BRWD1: variants seen among roughly 807,000 people sequenced by gnomAD.
The protein encoded by BRWD1 is bromodomain and WD repeat domain containing 1.
A neutral mutation model predicts 251.2 loss-of-function variants in BRWD1; 82 were observed. That is an observed-to-expected ratio of 0.33 (90% confidence interval 0.27 to 0.39). The LOEUF (loss-of-function observed/expected upper bound fraction) is 0.39, where lower values mean the gene tolerates loss of function less well. BRWD1 is among the 10% of genes least tolerant of loss of function. The pLI is 1.00. For missense variants in BRWD1, 2,233 were observed against 2,711.6 expected (o/e 0.82, Z 3.92); for synonymous variants, 918 against 902.8 (o/e 1.02, Z -0.30).
intron 4 of BRWD1, among the ~76,000 whole-genome samples, chr21:39,306,966 G>A (rs1296365545): frequency 2.0e-5 from 3 of 152,286 alleles, no homozygotes; most frequent in East Asian, 3.8e-4. Context: ...TGATTCTCCT[G>A]CCTCAGCCTC....
intron 25 of BRWD1, 95 bp downstream of exon 25, chr21:39,232,077 TAATAA>T: frequency 1.0e-6 from 1 of 1,000,272 alleles, no homozygotes; most frequent in South Asian, 1.5e-5. Flanking sequence ...GGAAAGAAAG[TAATAA>T]AATATGTTTC....
In BRWD1 at chr21:39,186,946, A is replaced by G; in HGVS notation, c.*9313T>C. ...AAGATGCCAATAAGGGAGTAATTTT[A>G]GAGCTGGGAGCAGAATGTAACTGCC... On this transcript the variant is annotated 3_prime_UTR_variant, in exon 41 of 41. Coordinates refer to ENST00000342449, the MANE Select transcript of BRWD1 (RefSeq NM_033656.4). 6.7e-7 allele frequency: 1 copy of G among 1,497,456 alleles called. No individual in the cohort carries two copies. Among genetic ancestry groups the G allele is most frequent in the South Asian group, 1.4e-5 (1 of 69,250 alleles). The allele number at this position is 1,497,456 out of a possible 1,614,324, so 92.8% of individuals were successfully genotyped here.
At chr21:39,294,151 CTTAT>C in intron 7 of BRWD1, 119 bp from the exon 8 acceptor site, 1 of 741,384 alleles carries the variant, frequency 1.3e-6, no homozygotes, top group Non-Finnish European at 2.2e-6. Flanking sequence ...AGAATACTCT[CTTAT>C]TTATGTAATA....
intron 8 of BRWD1, among the ~76,000 whole-genome samples, chr21:39,285,431 A>G (rs114942689): frequency 2.0e-5 from 3 of 152,336 alleles, no homozygotes; most frequent in Admixed American, 6.5e-5. Context: ...AGTACAGCAA[A>G]TAACAATGTG....
At chr21:39,236,375 C>A (rs2033811907) in intron 23 of BRWD1, among the ~76,000 whole-genome samples, 1 of 152,120 alleles carries the variant, frequency 6.6e-6, no homozygotes, top group Non-Finnish European at 1.5e-5. Flanking sequence ...CAGTGCCCTT[C>A]AGAATCCCCA....
intron 15 of BRWD1, among the ~76,000 whole-genome samples, chr21:39,265,693 A>C (rs1334134812): frequency 1.3e-5 from 2 of 152,242 alleles, no homozygotes; most frequent in African/African-American, 2.4e-5. Context: ...ATTAAAGATT[A>C]ACCAAATTTG....
intron 37 of BRWD1, among the ~76,000 whole-genome samples, chr21:39,203,005 C>T (rs780368998): frequency 1.4e-4 from 21 of 152,154 alleles, no homozygotes; most frequent in Non-Finnish European, 2.8e-4. Context: ...GGCATCAGAA[C>T]AAAATGATTT....
intron 39 of BRWD1, among the ~76,000 whole-genome samples, chr21:39,199,881 GC>G (rs1568857931): frequency 1.3e-5 from 2 of 152,124 alleles, no homozygotes; most frequent in Non-Finnish European, 2.9e-5. Context: ...CTCCTGAGTA[GC>G]TGGGATTACA....
Position 39,192,046 on chromosome 21 carries a change from T to C in BRWD1, c.*4213A>G, listed in dbSNP as rs2031580671. The C allele has an allele frequency of 1.0e-6, 1 of 985,056 alleles. No homozygotes were observed. The highest frequency in any genetic ancestry group is 1.2e-6 in the Non-Finnish European group (1 of 829,652). 61.0% of individuals were successfully genotyped at this position (985,056 alleles called of 1,614,324 possible). The stretch of plus-strand genomic sequence containing the variant: ...ACTCTCCCCCTCCCTCCATCAAATC[T>C]AGAAAAGCAATTCTTGAGCAGACAC... On this transcript the variant is annotated 3_prime_UTR_variant, in exon 41 of 41. Coordinates refer to ENST00000342449, the MANE Select transcript of BRWD1 (RefSeq NM_033656.4).
At chr21:39,278,488 A>G (rs1489977061) in intron 10 of BRWD1, 2 of 417,868 alleles carry the variant, frequency 4.8e-6, no homozygotes, top group African/African-American at 4.1e-5. Context: ...CATAGGAATC[A>G]CTTGTGTGGA....
intron 37 of BRWD1, 30 bp downstream of exon 37, chr21:39,206,078 A>G (rs2032375025): frequency 6.3e-7 from 1 of 1,579,026 alleles, no homozygotes; most frequent in African/African-American, 1.4e-5. Flanking sequence ...TAAATAAATA[A>G]ATAAAGCAAG....
chr21:39,255,856 C>A (rs1601397480), intron 18 of BRWD1, 28 bp from the exon 19 acceptor site: 2 of 1,594,592 alleles, frequency 1.3e-6, no homozygotes, highest in East Asian at 2.2e-5. Context: ...GGAAGTGATT[C>A]CAATACACTT....
chr21:39,301,978 G>GTTTTTTTTTTT (rs750413248), intron 4 of BRWD1, among the ~76,000 whole-genome samples: 23 of 79,866 alleles, frequency 2.9e-4, no homozygotes, highest in African/African-American at 3.6e-4. Flanking sequence ...AGCTTTGTGT[G>GTTTTTTTTTTT]TTTTTTTTTT....
intron 35 of BRWD1, 116 bp downstream of exon 35, chr21:39,210,670 G>T: frequency 1.3e-5 from 16 of 1,248,900 alleles, no homozygotes; most frequent in Non-Finnish European, 1.7e-5. Flanking sequence ...AGTGATAGGA[G>T]CAAAAAAGTT....
intron 15 of BRWD1, among the ~76,000 whole-genome samples, chr21:39,267,419 C>T (rs547900489): frequency 1.3e-5 from 2 of 152,196 alleles, no homozygotes; most frequent in African/African-American, 4.8e-5. Flanking sequence ...CATGGTGAAA[C>T]CCCATCTCTA....
In BRWD1 at chr21:39,299,702, C is replaced by T. The variant is rs186964266; in HGVS notation, c.199-1120G>A. Among the ~76,000 whole-genome samples the T allele has an allele frequency of 9.9e-5, 15 of 151,794 alleles. No individual in the cohort carries two copies. The East Asian group carries it at 1.4e-3, about 14-fold the overall frequency. ...ACAGAAAAGGGACTCAGGCTGGGCA[C>T]GGTGGCTCACGCTTGTAATCCCAAC... On this transcript the variant is annotated intron_variant, in intron 4 of 40. Coordinates refer to ENST00000342449, the MANE Select transcript of BRWD1 (RefSeq NM_033656.4).
chr21:39,209,698 T>C (rs185190759), intron 36 of BRWD1: 1 of 212,780 alleles, frequency 4.7e-6, no homozygotes, highest in African/African-American at 2.3e-5. Context: ...CAGAGACTCT[T>C]ACTCTGTGTA....
chr21:39,185,434 A>G (rs1477923029), downstream of BRWD1: 1 of 152,036 alleles, frequency 6.6e-6, no homozygotes, highest in Non-Finnish European at 1.5e-5. Flanking sequence ...TGAACTGGAA[A>G]GAAGTTTAAG....
At chr21:39,236,866 CAGAG>C (rs1000264772) in intron 22 of BRWD1, 82 bp from the exon 23 acceptor site, 15 of 1,271,204 alleles carry the variant, frequency 1.2e-5, no homozygotes, top group Middle Eastern at 1.9e-4. Flanking sequence ...ATTGAGGGAA[CAGAG>C]AGAGGAGAAA....
Sources: allele counts gnomAD v4.1 joint callset (sites outside exome capture counted in the v4.1 genomes callset), GRCh38; gene constraint gnomAD v4.1.1; transcripts MANE v1.5; gene names NCBI Gene and HGNC (gene_info 2026-07-23, HGNC 2026-07-21).